Variants in KLHL26 observed in about 807,000 individuals in gnomAD.
KLHL26 encodes kelch-like protein 26.
KLHL26 carries 4 observed loss-of-function variants against 7.1 expected under a neutral mutation model. The ratio of observed to expected loss-of-function variants is 0.56; its 90% CI spans 0.28 to 1.28. KLHL26 has a LOEUF of 1.28. Ranked by LOEUF, KLHL26 falls within the 50% of genes most tolerant of loss-of-function variation. The pLI is 0.11. For synonymous variants in KLHL26, 465 were observed against 414.1 expected (o/e 1.12, Z -1.49); for missense variants, 896 against 924.6 (o/e 0.97, Z 0.40).
At position 18,668,926 on chromosome 19, in the gene KLHL26, T is replaced by G. The variant is rs574760810; in HGVS notation, c.1529T>G (p.Ile510Ser). ...GCCATGGTGGGTGCCGGCGGCCGCA[T>G]CTATGCCCTCGGGGGCCGCATGGAC... ...LHAMVGAGGRIYALGGRMDHV... is the reference protein window; with the variant it reads ...LHAMVGAGGRSYALGGRMDHV... The change falls in exon 3 of 3, where the codon ATC becomes AGC. Residue 510 changes from isoleucine (I) to serine (S), a missense_variant. Physicochemically the swap from Ile to Ser is moderately radical, Grantham distance 142. Coordinates refer to ENST00000300976, the MANE Select transcript of KLHL26 (RefSeq NM_018316.3). 2 of 1,608,190 alleles carry G rather than the reference T, an allele frequency of 1.2e-6. No homozygotes were observed. The highest frequency in any genetic ancestry group is 2.7e-5 in the African/African-American group (2 of 75,046).
At chr19:18,663,504 C>T (rs1453257613) in intron 1 of KLHL26, among the ~76,000 whole-genome samples, 1 of 152,142 alleles carries the variant, frequency 6.6e-6, no homozygotes, top group South Asian at 2.1e-4. Flanking sequence ...GATCAGTGCC[C>T]GCATTCCTGG....
intron 1 of KLHL26, among the ~76,000 whole-genome samples, chr19:18,654,308 C>T (rs2052302296): frequency 6.7e-6 from 1 of 150,294 alleles, no homozygotes; most frequent in African/African-American, 2.5e-5. Flanking sequence ...TACCACTATC[C>T]ATCTACCAAC....
rs150535148 is a variant in KLHL26 at position 18,662,078 on chromosome 19, T to A, written c.84-2183T>A. On this transcript the variant is annotated intron_variant, in intron 1 of 2. Coordinates refer to ENST00000300976, the MANE Select transcript of KLHL26 (RefSeq NM_018316.3). ...TTGATTTCTTGATGCTCTTTATATA[T>A]GGAAGAGCATGGTAAATATGCTCCT... Among the ~76,000 whole-genome samples, 985 of 152,196 alleles carry A rather than the reference T, an allele frequency of 6.5e-3. 5 individuals carry two copies. The highest frequency in any genetic ancestry group is 9.8e-3 in the Non-Finnish European group (666 of 68,000).
chr19:18,664,569 G>A (rs2052427225), intron 2 of KLHL26, 126 bp downstream of exon 2: 2 of 654,014 alleles, frequency 3.1e-6, no homozygotes, highest in East Asian at 3.0e-5. Context: ...GAGGGAGAAC[G>A]GCTGGTACCG....
rs1367458364 is a variant in KLHL26, at chr19:18,668,102, G to C, written c.705G>C (p.Gln235His). 6.2e-7 allele frequency: 1 copy of C among 1,603,274 alleles called. No homozygotes were observed. The highest frequency in any genetic ancestry group is 8.5e-7 in the Non-Finnish European group (1 of 1,179,304). The change falls in exon 3 of 3, where the codon CAG becomes CAC. Residue 235 changes from glutamine to histidine, a missense_variant. Physicochemically the swap from Gln to His is conservative, Grantham distance 24 (BLOSUM62 0). Coordinates refer to ENST00000300976, the MANE Select transcript of KLHL26 (RefSeq NM_018316.3). Reference protein sequence around the residue: ...DLFRAAVRWLQHDPARRPRAS... With the variant: ...DLFRAAVRWLHHDPARRPRAS... ...TCCGCGCGGCCGTCCGCTGGCTGCA[G>C]CATGACCCGGCCCGGCGGCCGCGCG... is the stretch of plus-strand genomic sequence containing the variant.
intron 2 of KLHL26, among the ~76,000 whole-genome samples, chr19:18,665,375 G>A (rs760387283): frequency 1.3e-5 from 2 of 152,206 alleles, no homozygotes; most frequent in African/African-American, 2.4e-5. Flanking sequence ...TTTACTTGAC[G>A]CCTGCTGTAT....
chr19:18,669,598 C>T lies in KLHL26; in HGVS notation c.*353C>T, dbSNP rs1041578632. On this transcript the variant is annotated 3_prime_UTR_variant, in exon 3 of 3. Coordinates refer to ENST00000300976, the MANE Select transcript of KLHL26 (RefSeq NM_018316.3). ...CAGCTCCATCTCACTTCTCTACTGC[C>T]TCCCAGCCCCACGGTTTCAGGCATT... is the stretch of plus-strand genomic sequence containing the variant. 2.0e-6 allele frequency: 1 copy of T among 488,134 alleles called. No homozygotes were observed. Among genetic ancestry groups the T allele is most frequent in the African/African-American group, 2.0e-5 (1 of 51,060 alleles). 30.2% of individuals were successfully genotyped at this position (488,134 alleles called of 1,614,324 possible). A position where few individuals can be genotyped will look rare whatever the true frequency, so the allele number is the denominator to read the frequency against.
rs2052340008 is a variant in KLHL26 at position 18,656,894 on chromosome 19, C to G, written c.84-7367C>G. On this transcript the variant is annotated intron_variant, in intron 1 of 2. Coordinates refer to ENST00000300976, the MANE Select transcript of KLHL26 (RefSeq NM_018316.3). This position sits in a 1 kb window ranked among gnomAD's most constrained non-coding sequence, Gnocchi z 4.4. The stretch of plus-strand genomic sequence containing the variant: ...TCAAGCAGGAGGGAGACACAGACAG[C>G]TGCACCCTGGCGGCCCCTGAGCTGC... Among the ~76,000 whole-genome samples the G allele has an allele frequency of 6.6e-6, 1 of 152,152 alleles. No individual in the cohort carries two copies. The highest frequency in any genetic ancestry group is 1.9e-4 in the East Asian group (1 of 5,200).
intron 1 of KLHL26, among the ~76,000 whole-genome samples, chr19:18,659,148 T>C (rs922868267): frequency 6.6e-6 from 1 of 152,152 alleles, no homozygotes; most frequent in African/African-American, 2.4e-5. Flanking sequence ...CCGGTTCTTC[T>C]CTGGGTCTCT....
rs2052503668 is a variant in KLHL26 at position 18,669,510 on chromosome 19, G to A, written c.*265G>A. 5.3e-6 allele frequency: 3 copies of A among 568,800 alleles called. No homozygotes were observed. The highest frequency in any genetic ancestry group is 4.6e-4 in the Middle Eastern group (1 of 2,170). The allele number at this position is 568,800 out of a possible 1,614,324, so 35.2% of individuals were successfully genotyped here. Reference sequence around the variant, plus strand: ...AATTCGTCCCCGGGGTGGTTTCCTCGCCTGGCCCCCGAGTCCCCACGGGCT... The same window carrying A: ...AATTCGTCCCCGGGGTGGTTTCCTCACCTGGCCCCCGAGTCCCCACGGGCT... On this transcript the variant is annotated 3_prime_UTR_variant, in exon 3 of 3. Transcript: ENST00000300976.
intron 1 of KLHL26, among the ~76,000 whole-genome samples, chr19:18,659,092 G>A (rs949019361): frequency 2.0e-5 from 3 of 151,434 alleles, no homozygotes; most frequent in African/African-American, 7.3e-5. Context: ...CTCTCTCTGG[G>A]TATCTGTCCA....
intron 1 of KLHL26, among the ~76,000 whole-genome samples, chr19:18,638,332 G>A (rs1976654904): frequency 6.6e-6 from 1 of 152,228 alleles, no homozygotes; most frequent in Admixed American, 6.5e-5. Flanking sequence ...GGGTGGGGAA[G>A]GGAGGAGGGA....
chr19:18,660,914 C>T (rs376641371), intron 1 of KLHL26, among the ~76,000 whole-genome samples: 1 of 152,202 alleles, frequency 6.6e-6, no homozygotes, highest in African/African-American at 2.4e-5. Flanking sequence ...CCTCTTTGGT[C>T]CAGCGTGGGC....
rs774752215 is a variant in KLHL26, at chr19:18,650,485, C to T, written c.83+13348C>T. On this transcript the variant is annotated intron_variant, in intron 1 of 2. Transcript: ENST00000300976. The surrounding 1 kb of genome is among the most constrained non-coding windows in gnomAD (Gnocchi z 4.2). ...GTTCGAGTTGGAAGCACGCGTTCTC[C>T]TTGGTGAAGTCCGTCCTGTCCCAGG... 6.6e-6 allele frequency among the ~76,000 whole-genome samples: 1 copy of T among 152,186 alleles called. No homozygotes were observed. The highest frequency in any genetic ancestry group is 1.5e-5 in the Non-Finnish European group (1 of 68,030).
In KLHL26 at chr19:18,668,327, G is replaced by T; in HGVS notation, c.930G>T (p.Ser310=). The T allele has an allele frequency of 6.2e-7, 1 of 1,609,922 alleles. No homozygotes were observed. The highest frequency in any genetic ancestry group is 8.5e-7 in the Non-Finnish European group (1 of 1,179,468). Residue 310 remains serine (S), a synonymous_variant, in exon 3 of 3, where the codon TCG becomes TCT. Transcript: ENST00000300976. ...PRTAVRSDVP[S]LVTFGGTPYT... is the part of the protein sequence containing the mutation. The stretch of plus-strand genomic sequence containing the variant: ...CCGCCGTGCGCTCGGATGTGCCCTC[G>T]CTCGTCACCTTCGGCGGCACGCCCT...
chr19:18,651,659 A>G (rs1018536283), intron 1 of KLHL26, among the ~76,000 whole-genome samples: 1 of 152,272 alleles, frequency 6.6e-6, no homozygotes, highest in Non-Finnish European at 1.5e-5. Flanking sequence ...GCCATGTGGC[A>G]GCCCCGTCCC....
At chr19:18,652,536 G>A (rs2052271546) in intron 1 of KLHL26, among the ~76,000 whole-genome samples, 3 of 145,928 alleles carry the variant, frequency 2.1e-5, no homozygotes, top group Middle Eastern at 7.8e-3. Flanking sequence ...GTTGCAGAGA[G>A]CTGAGATCAC....
Position 18,668,662 on chromosome 19 carries a change from A to G in KLHL26, c.1265A>G (p.Asn422Ser). The G allele has an allele frequency of 1.3e-6, 2 of 1,567,208 alleles. No individual in the cohort carries two copies. The highest frequency in any genetic ancestry group is 1.1e-5 in the South Asian group (1 of 88,034). The change falls in exon 3 of 3, where the codon AAC becomes AGC. Residue 422 changes from asparagine to serine, a missense_variant. Coordinates refer to ENST00000300976, the MANE Select transcript of KLHL26 (RefSeq NM_018316.3). ...ATGGTGTACGCCACGGGCGGCCGCA[A>G]CCGAGCCGGCAGCCTGGCCTCCGTG... Reference protein sequence around the residue: ...CGMVYATGGRNRAGSLASVER... With the variant: ...CGMVYATGGRSRAGSLASVER...
chr19:18,655,292 C>G (rs1384001913), intron 1 of KLHL26, among the ~76,000 whole-genome samples: 1 of 152,226 alleles, frequency 6.6e-6, no homozygotes. Context: ...GTCCATCCTC[C>G]CAGCTCAGGC....
Sources: allele counts gnomAD v4.1 joint callset (sites outside exome capture counted in the v4.1 genomes callset), GRCh38; gene constraint gnomAD v4.1.1; non-coding constraint Gnocchi (gnomAD v3.1); transcripts MANE v1.5; gene names NCBI Gene and HGNC (gene_info 2026-07-23, HGNC 2026-07-21).